SOX5: variants seen among roughly 807,000 people sequenced by gnomAD.
The protein encoded by SOX5 is SRY-box transcription factor 5.
SOX5 carries 9 observed loss-of-function variants against 92.0 expected under a neutral mutation model. The ratio of observed to expected loss-of-function variants is 0.10; its 90% CI spans 0.06 to 0.17. SOX5 has a LOEUF of 0.17. Ranked by LOEUF, SOX5 falls within the 10% of genes least tolerant of loss-of-function variation. SOX5 has a pLI of 1.00. For synonymous variants in SOX5, 344 were observed against 336.3 expected (o/e 1.02, Z -0.25); for missense variants, 642 against 944.5 (o/e 0.68, Z 4.20).
chr12:23,740,855 G>C lies in SOX5; in HGVS notation c.741+12C>G. 1 of 1,603,976 alleles carries C rather than the reference G, an allele frequency of 6.2e-7. No individual in the cohort carries two copies. The highest frequency in any genetic ancestry group is 1.1e-5 in the South Asian group (1 of 90,484). On this transcript the variant is annotated intron_variant, in intron 5 of 14. Transcript: ENST00000451604. Reference sequence around the variant, plus strand: ...TCTGAGGAATATGACTGCATCGCTAGTTCTTACTCACTTGTTCTTGTTGCT... The same window carrying C: ...TCTGAGGAATATGACTGCATCGCTACTTCTTACTCACTTGTTCTTGTTGCT...
chr12:23,760,706 G>C (rs991212141), intron 3 of SOX5, among the ~76,000 whole-genome samples: 3 of 151,922 alleles, frequency 2.0e-5, no homozygotes, highest in Non-Finnish European at 2.9e-5. Flanking sequence ...TTTCCCTTCA[G>C]TGCCAAACAC....
At chr12:24,070,067 C>T (rs1281785335) in intron 4 of SOX5, among the ~76,000 whole-genome samples, 1 of 152,142 alleles carries the variant, frequency 6.6e-6, no homozygotes, top group South Asian at 2.1e-4. Flanking sequence ...TCTCACACAG[C>T]CCGTCTTTGT....
At chr12:23,664,173 A>T (rs2083453450) in intron 7 of SOX5, among the ~76,000 whole-genome samples, 1 of 152,158 alleles carries the variant, frequency 6.6e-6, no homozygotes, top group Non-Finnish European at 1.5e-5. Flanking sequence ...TAAAGACGAG[A>T]AATAAATGTT....
chr12:23,990,261 G>A (rs1163325550), intron 4 of SOX5, among the ~76,000 whole-genome samples: 1 of 152,062 alleles, frequency 6.6e-6, no homozygotes. Context: ...TTTTTAAGAT[G>A]AAAAATGGAT....
At chr12:24,304,910 C>T (rs547850706) in intron 2 of SOX5, among the ~76,000 whole-genome samples, 10 of 152,280 alleles carry the variant, frequency 6.6e-5, no homozygotes, top group South Asian at 2.1e-4. Context: ...TTTCCAATAC[C>T]GCTGACTTAC....
intron 1 of SOX5, among the ~76,000 whole-genome samples, chr12:24,506,782 G>GTCTT (rs1555328235): frequency 1.2e-5 from 1 of 80,278 alleles, no homozygotes; most frequent in African/African-American, 5.1e-5. Flanking sequence ...TATCCAAATG[G>GTCTT]TCTTTTTTTT....
intron 9 of SOX5, among the ~76,000 whole-genome samples, chr12:23,603,449 T>TATATATATATATATATAAAAA (rs1437111248): frequency 2.1e-5 from 3 of 141,858 alleles, no homozygotes; most frequent in East Asian, 4.0e-4. Context: ...ATATAAAATA[T>TATATATATATATATATAAAAA]ATATATATAT....
intron 4 of SOX5, among the ~76,000 whole-genome samples, chr12:24,095,411 G>T: frequency 6.9e-6 from 1 of 144,882 alleles, no homozygotes; most frequent in East Asian, 2.0e-4. Context: ...TTGCCTGCTT[G>T]CCCTCTCCCT....
chr12:24,355,213 G>C (rs1407665766), intron 2 of SOX5, among the ~76,000 whole-genome samples: 3 of 148,948 alleles, frequency 2.0e-5, no homozygotes, highest in Non-Finnish European at 3.0e-5. Context: ...AGGATAGTGT[G>C]GTTCCCAGCC....
intron 9 of SOX5, among the ~76,000 whole-genome samples, chr12:23,582,958 C>A (rs1440982408): frequency 6.6e-6 from 1 of 151,998 alleles, no homozygotes; most frequent in African/African-American, 2.4e-5. Flanking sequence ...CCCTTAGTAT[C>A]TTAATATTTT....
rs867857358 is a variant in SOX5, at chr12:24,243,326, G to A, written c.-76-29909C>T. Reference sequence around the variant, plus strand: ...TCTGTAAAGTTGCATTTGTTTCATAGTGTGTATAGTGTTTAAAGTGTGTTT... The same window carrying A: ...TCTGTAAAGTTGCATTTGTTTCATAATGTGTATAGTGTTTAAAGTGTGTTT... On this transcript the variant is annotated intron_variant, in intron 3 of 4. Transcript: ENST00000446891. 2.0e-5 allele frequency among the ~76,000 whole-genome samples: 3 copies of A among 152,214 alleles called. No individual in the cohort carries two copies. The Middle Eastern group carries it at 0.01, about 521-fold the overall frequency.
At chr12:23,968,070 T>C (rs985170251) in intron 4 of SOX5, among the ~76,000 whole-genome samples, 2 of 152,172 alleles carry the variant, frequency 1.3e-5, no homozygotes, top group African/African-American at 2.4e-5. Context: ...CAATCAGAGA[T>C]AGTAATTTGC....
intron 4 of SOX5, among the ~76,000 whole-genome samples, chr12:24,095,730 G>T (rs1945326934): frequency 6.6e-6 from 1 of 152,058 alleles, no homozygotes; most frequent in South Asian, 2.1e-4. Flanking sequence ...GAATCATGGG[G>T]CTTGCTTCCC....
chr12:24,031,968 CAGAGA>C (rs1445805931), intron 4 of SOX5, among the ~76,000 whole-genome samples: 2 of 151,758 alleles, frequency 1.3e-5, no homozygotes, highest in East Asian at 3.9e-4. Flanking sequence ...AGGATTATAG[CAGAGA>C]AAATATTGAA....
At chr12:23,699,075 T>A (rs2090273861) in intron 6 of SOX5, among the ~76,000 whole-genome samples, 1 of 152,250 alleles carries the variant, frequency 6.6e-6, no homozygotes, top group African/African-American at 2.4e-5. Flanking sequence ...AAAGACCTGA[T>A]GAACACAATC....
chr12:24,050,844 C>CTTATTA (rs746571139), intron 4 of SOX5, among the ~76,000 whole-genome samples: 2 of 151,378 alleles, frequency 1.3e-5, no homozygotes, highest in Non-Finnish European at 1.5e-5. Context: ...TCTTCTTCTT[C>CTTATTA]TTATTATTAT....
At chr12:24,033,110 A>G (rs997121187) in intron 4 of SOX5, among the ~76,000 whole-genome samples, 3 of 151,960 alleles carry the variant, frequency 2.0e-5, no homozygotes, top group Admixed American at 2.0e-4. Flanking sequence ...CCATGAGGTC[A>G]TTTAGGGAAG....
intron 4 of SOX5, among the ~76,000 whole-genome samples, chr12:24,094,529 T>A (rs796143553): frequency 6.6e-5 from 10 of 151,840 alleles, no homozygotes; most frequent in African/African-American, 2.4e-4. Flanking sequence ...AATGCCAGAT[T>A]TACTCATTGT....
intron 2 of SOX5, among the ~76,000 whole-genome samples, chr12:23,889,688 A>G (rs1371096054): frequency 1.3e-5 from 2 of 152,166 alleles, no homozygotes; most frequent in African/African-American, 4.8e-5. Flanking sequence ...TCCAAACTCT[A>G]CAGAAGATCA....
Sources: allele counts gnomAD v4.1 joint callset (sites outside exome capture counted in the v4.1 genomes callset), GRCh38; gene constraint gnomAD v4.1.1; transcripts MANE v1.5; gene names NCBI Gene and HGNC (gene_info 2026-07-23, HGNC 2026-07-21).